Variants in CNTNAP5 observed in about 807,000 individuals in gnomAD.
The protein encoded by CNTNAP5 is contactin associated protein family member 5.
Under a neutral mutation model 150.2 loss-of-function variants are expected in CNTNAP5, and 72 were observed. That is an observed-to-expected ratio of 0.48 (90% confidence interval 0.40 to 0.58). The LOEUF (loss-of-function observed/expected upper bound fraction) is 0.58, where lower values mean the gene tolerates loss of function less well. Ranked by LOEUF, CNTNAP5 falls within the 20% of genes least tolerant of loss-of-function variation. The pLI is 0.00. For synonymous variants in CNTNAP5, 672 were observed against 619.8 expected, an observed-to-expected ratio of 1.08 and a Z score of -1.25; for missense variants, 1,636 against 1,626.2, an observed-to-expected ratio of 1.01 and a Z score of -0.10.
intron 1 of CNTNAP5, among the ~76,000 whole-genome samples, chr2:124,140,058 C>T (rs1398595537): frequency 1.3e-5 from 2 of 152,066 alleles, no homozygotes; most frequent in Non-Finnish European, 2.9e-5. Context: ...GTCACTCCCA[C>T]CCGAATATTG....
At chr2:124,044,750 A>G (rs1681479010) in intron 1 of CNTNAP5, among the ~76,000 whole-genome samples, 1 of 152,124 alleles carries the variant, frequency 6.6e-6, no homozygotes, top group African/African-American at 2.4e-5. Flanking sequence ...CTCAACTGTC[A>G]TGATGGTGGA....
chr2:124,892,886 G>T (rs1678227736), intron 21 of CNTNAP5, among the ~76,000 whole-genome samples: 1 of 152,020 alleles, frequency 6.6e-6, no homozygotes, highest in African/African-American at 2.4e-5. Context: ...ATATAAATAT[G>T]CTGTCTTGAA....
At chr2:124,067,899 C>T (rs149264039) in intron 1 of CNTNAP5, among the ~76,000 whole-genome samples, 7 of 152,194 alleles carry the variant, frequency 4.6e-5, no homozygotes, top group Non-Finnish European at 1.0e-4. Flanking sequence ...ATTGAAATAA[C>T]AGTATTACAT....
chr2:124,524,859 T>C (rs1288720251), intron 9 of CNTNAP5, among the ~76,000 whole-genome samples: 1 of 152,192 alleles, frequency 6.6e-6, no homozygotes, highest in African/African-American at 2.4e-5. Flanking sequence ...ACAATCAGCA[T>C]GCTTAGCACC....
chr2:124,102,650 A>G (rs1683090044), intron 1 of CNTNAP5, among the ~76,000 whole-genome samples: 1 of 152,202 alleles, frequency 6.6e-6, no homozygotes, highest in Non-Finnish European at 1.5e-5. Context: ...CCCGTGCTCC[A>G]GTTCCAATAA....
intron 13 of CNTNAP5, among the ~76,000 whole-genome samples, chr2:124,656,083 G>C (rs1366909957): frequency 6.7e-6 from 1 of 148,538 alleles, no homozygotes; most frequent in African/African-American, 2.5e-5. Context: ...AAAAGAAAAA[G>C]TCACTGCCAC....
intron 3 of CNTNAP5, among the ~76,000 whole-genome samples, chr2:124,306,719 C>CTT (rs762901729): frequency 0.031 from 1,979 of 64,104 alleles, 72 homozygotes; most frequent in African/African-American, 0.08. Context: ...CTCTCTCTTT[C>CTT]TTTTTTTTTT....
chr2:124,527,258 T>C (rs529698269), intron 9 of CNTNAP5, 27 bp from the exon 10 acceptor site: 1 of 1,601,096 alleles, frequency 6.2e-7, no homozygotes, highest in Non-Finnish European at 8.5e-7. Context: ...TCAGCATTCT[T>C]CTTCATCTTT....
chr2:124,615,706 G>C (rs1239638932), intron 12 of CNTNAP5, among the ~76,000 whole-genome samples: 2 of 152,094 alleles, frequency 1.3e-5, no homozygotes, highest in Non-Finnish European at 2.9e-5. Context: ...CTTTCCAGAA[G>C]GTCTTCAATT....
At chr2:124,490,053 A>C (rs1224527284) in intron 7 of CNTNAP5, among the ~76,000 whole-genome samples, 1 of 152,110 alleles carries the variant, frequency 6.6e-6, no homozygotes. Context: ...GCAGTGGCTT[A>C]ATTATTATTA....
chr2:124,653,958 A>T (rs1678380330), intron 13 of CNTNAP5, among the ~76,000 whole-genome samples: 1 of 123,318 alleles, frequency 8.1e-6, no homozygotes, highest in Non-Finnish European at 1.6e-5. Context: ...GTTGAAAGTG[A>T]TGCTGAAAGG....
chr2:124,361,735 G>C (rs958620989), intron 3 of CNTNAP5, among the ~76,000 whole-genome samples: 1 of 151,688 alleles, frequency 6.6e-6, no homozygotes, highest in Non-Finnish European at 1.5e-5. Context: ...GGACATTTAA[G>C]TCTGCAGAGG....
chr2:124,270,898 C>T lies in CNTNAP5; in HGVS notation c.381+28505C>T, dbSNP rs79660401. On this transcript the variant is annotated intron_variant, in intron 3 of 23. Transcript: ENST00000682447. Reference sequence around the variant, plus strand: ...TAGAATATGTATGCTTATCACACTACGTGCCCCCATGTTGGGTTCCTAAGT... The same window carrying T: ...TAGAATATGTATGCTTATCACACTATGTGCCCCCATGTTGGGTTCCTAAGT... 2.7e-3 allele frequency among the ~76,000 whole-genome samples: 411 copies of T among 152,300 alleles called. 3 individuals are homozygous for T. Among genetic ancestry groups the T allele is most frequent in the East Asian group, 7.2e-3 (37 of 5,172 alleles).
intron 13 of CNTNAP5, among the ~76,000 whole-genome samples, chr2:124,725,646 G>A (rs867801354): frequency 9.2e-5 from 14 of 151,964 alleles, no homozygotes; most frequent in Non-Finnish European, 1.8e-4. Context: ...TAGTTATCAT[G>A]CCACATATTA....
intron 12 of CNTNAP5, among the ~76,000 whole-genome samples, chr2:124,614,749 C>T (rs538542423): frequency 1.3e-5 from 2 of 152,122 alleles, no homozygotes; most frequent in African/African-American, 4.8e-5. Context: ...TTTGCAGCAT[C>T]CTGTTTTATC....
At chr2:124,094,607 T>C (rs933601887) in intron 1 of CNTNAP5, among the ~76,000 whole-genome samples, 1 of 152,252 alleles carries the variant, frequency 6.6e-6, no homozygotes, top group Non-Finnish European at 1.5e-5. Flanking sequence ...TTTGTTCATT[T>C]TGTTTGTTTT....
chr2:124,680,886 T>C (rs1339449419), intron 13 of CNTNAP5: 2 of 151,790 alleles, frequency 1.3e-5, no homozygotes, highest in Non-Finnish European at 2.9e-5. Flanking sequence ...ATTAAGGGGA[T>C]GAGGGCTATT....
intron 2 of CNTNAP5, among the ~76,000 whole-genome samples, chr2:124,227,327 G>C (rs1163189338): frequency 3.9e-5 from 6 of 151,994 alleles, no homozygotes; most frequent in African/African-American, 1.5e-4. Context: ...TTCCAAGAGG[G>C]TATGGTGAAC....
chr2:124,685,674 T>C (rs1414798451), intron 13 of CNTNAP5, among the ~76,000 whole-genome samples: 1 of 152,110 alleles, frequency 6.6e-6, no homozygotes, highest in African/African-American at 2.4e-5. Flanking sequence ...GGCAGTCTTC[T>C]GTGGCAGATT....
Sources: gnomAD v4.1 joint callset for allele counts (sites outside exome capture counted in the v4.1 genomes callset) on GRCh38, gnomAD v4.1.1 for gene constraint, MANE v1.5 for transcripts, NCBI Gene and HGNC (gene_info 2026-07-23, HGNC 2026-07-21) for gene names.